NDRG3: variants seen among roughly 807,000 people sequenced by gnomAD.
The protein encoded by NDRG3 is protein NDRG3.
In NDRG3, 23 loss-of-function variants were observed where a neutral mutation model predicts 57.2. The ratio of observed to expected loss-of-function variants is 0.40; its 90% confidence interval spans 0.29 to 0.57. The LOEUF is 0.57. Among genes scored for constraint, NDRG3 ranks in the 20% least tolerant of loss-of-function variants. The pLI is 0.42. For synonymous variants in NDRG3, 132 were observed against 162.6 expected (o/e 0.81, Z 1.43); for missense variants, 384 against 457.3 (o/e 0.84, Z 1.46).
At chr20:36,663,342 A>G (rs1212923531) in intron 12 of NDRG3, among the ~76,000 whole-genome samples, 2 of 152,210 alleles carry the variant, frequency 1.3e-5, no homozygotes, top group Non-Finnish European at 2.9e-5. Flanking sequence ...AACTATGTCT[A>G]CACCTCTGAT....
chr20:36,738,705 C>A (rs1362646764), intron 1 of NDRG3, among the ~76,000 whole-genome samples: 1 of 150,938 alleles, frequency 6.6e-6, no homozygotes. Flanking sequence ...CACCTGTAAT[C>A]CCAGCTACTC....
intron 1 of NDRG3, among the ~76,000 whole-genome samples, chr20:36,727,293 C>T (rs952445685): frequency 3.3e-5 from 5 of 152,014 alleles, no homozygotes; most frequent in Non-Finnish European, 7.4e-5. Flanking sequence ...GATCTCAGCT[C>T]ACTGCAACCT....
chr20:36,693,550 G>A (rs780348281), intron 3 of NDRG3, among the ~76,000 whole-genome samples: 12 of 151,838 alleles, frequency 7.9e-5, no homozygotes, highest in East Asian at 3.9e-4. Context: ...GAACCGAGCC[G>A]CACAGGAGGA....
rs531244145 is a variant in NDRG3, at chr20:36,729,951, T to G, written c.-48-8168A>C. ...TAGATGGAACTTTTATTTTTTATTT[T>G]TAAATGTTTTAGGGGCCGGGCACGG... On this transcript the variant is annotated intron_variant, in intron 1 of 15. Coordinates refer to ENST00000349004, the MANE Select transcript of NDRG3 (RefSeq NM_032013.4). Among the ~76,000 whole-genome samples the G allele has an allele frequency of 3.9e-5, 6 of 152,010 alleles. No individual in the cohort carries two copies. In the East Asian group the frequency reaches 9.8e-4, roughly 25 times the overall value.
chr20:36,696,693 AT>A (rs1982819070), intron 3 of NDRG3, among the ~76,000 whole-genome samples: 1 of 149,556 alleles, frequency 6.7e-6, no homozygotes, highest in Non-Finnish European at 1.5e-5. Context: ...GGGTTTCACC[AT>A]GTTGGCCAGG....
At chr20:36,691,735 A>C (rs939544152) in intron 3 of NDRG3, among the ~76,000 whole-genome samples, 3 of 152,158 alleles carry the variant, frequency 2.0e-5, no homozygotes, top group East Asian at 1.9e-4. Flanking sequence ...TAACAAATAA[A>C]GCATAAGGTT....
rs144189825 is a variant in NDRG3 at position 36,669,658 on chromosome 20, C to T, written c.588+1683G>A. Among the ~76,000 whole-genome samples, 537 of 152,152 alleles carry T rather than the reference C, an allele frequency of 3.5e-3. 4 individuals are homozygous for T. Among genetic ancestry groups the T allele is most frequent in the African/African-American group, 0.011 (467 of 41,494 alleles). On this transcript the variant is annotated intron_variant, in intron 9 of 15. Transcript: ENST00000349004. ...GGGATTACAGGCGTGAGCCATGGCG[C>T]GCGGCCGATTTTTGAATTTTTATAA...
intron 9 of NDRG3, among the ~76,000 whole-genome samples, chr20:36,666,977 A>G (rs1193785755): frequency 6.6e-6 from 1 of 151,858 alleles, no homozygotes; most frequent in Non-Finnish European, 1.5e-5. Context: ...GGGATTAGAG[A>G]TATGCACCAC....
At chr20:36,686,120 C>T (rs972983240) in intron 5 of NDRG3, among the ~76,000 whole-genome samples, 1 of 152,200 alleles carries the variant, frequency 6.6e-6, no homozygotes, top group Admixed American at 6.5e-5. Flanking sequence ...CAGCCTGCCT[C>T]TGCCTGAACA....
intron 1 of NDRG3, among the ~76,000 whole-genome samples, chr20:36,734,841 G>C (rs1305923526): frequency 6.6e-6 from 1 of 151,962 alleles, no homozygotes; most frequent in Non-Finnish European, 1.5e-5. Flanking sequence ...ACTCCCAATT[G>C]AGAAGCACTG....
intron 13 of NDRG3, among the ~76,000 whole-genome samples, chr20:36,656,927 C>T (rs1286362439): frequency 1.3e-5 from 2 of 152,160 alleles, no homozygotes; most frequent in Admixed American, 6.5e-5. Context: ...ATCTTTCCTC[C>T]GTGAGTAAGG....
chr20:36,665,691 C>CG (rs1476747290), intron 10 of NDRG3, among the ~76,000 whole-genome samples: 3 of 152,044 alleles, frequency 2.0e-5, no homozygotes, highest in African/African-American at 7.3e-5. Context: ...CTCCGCCTCC[C>CG]GGGTTCAAGC....
chr20:36,688,760 C>T lies in NDRG3; in HGVS notation c.118G>A (p.Gly40Ser), dbSNP rs1039193558. The T allele has an allele frequency of 1.5e-5, 25 of 1,613,506 alleles. No individual in the cohort carries two copies. The highest frequency in any genetic ancestry group is 2.1e-5 in the Non-Finnish European group (25 of 1,179,592). Residue 40 changes from glycine to serine, a missense_variant, in exon 4 of 16, where the codon GGT becomes AGT. By Grantham distance (56) the Gly-to-Ser change is moderately conservative. Transcript: ENST00000349004. The part of the protein sequence containing the change: ...CQEHDIETTH[G>S]VVHVTIRGLP... ...CCTCTTATAGTGACGTGGACCACACCATGAGTTGTTTCTATATCATGTTCC... is the reference window on the plus strand; with the variant it reads ...CCTCTTATAGTGACGTGGACCACACTATGAGTTGTTTCTATATCATGTTCC...
chr20:36,668,453 G>C (rs1329534061), intron 9 of NDRG3: 1 of 152,146 alleles, frequency 6.6e-6, no homozygotes, highest in Non-Finnish European at 1.5e-5. Flanking sequence ...TATTGGTGAA[G>C]TTGAGCATTA....
chr20:36,657,380 C>T (rs1978771084), intron 13 of NDRG3, among the ~76,000 whole-genome samples: 1 of 151,844 alleles, frequency 6.6e-6, no homozygotes, highest in Admixed American at 6.6e-5. Flanking sequence ...CCCAGCTACT[C>T]TGGAGGCTGA....
At chr20:36,671,958 T>C (rs1980214442) in intron 8 of NDRG3, among the ~76,000 whole-genome samples, 1 of 152,118 alleles carries the variant, frequency 6.6e-6, no homozygotes, top group Non-Finnish European at 1.5e-5. Context: ...GGAAGGACAA[T>C]GTCAATTCCT....
At chr20:36,739,531 G>A (rs1334922687) in intron 1 of NDRG3, among the ~76,000 whole-genome samples, 4 of 151,516 alleles carry the variant, frequency 2.6e-5, no homozygotes, top group Non-Finnish European at 5.9e-5. Flanking sequence ...CACTGGGCCA[G>A]GCACAGTGGC....
At position 36,693,106 on chromosome 20, in the gene NDRG3, AT is replaced by A. The variant is rs1411846156; in HGVS notation, c.94-4323del. Reference sequence around the variant, plus strand: ...AAAAAAAAAAAAAAAAAAAAAAAAAATATATATATATATATATATATATATA... The same window carrying A: ...AAAAAAAAAAAAAAAAAAAAAAAAAAATATATATATATATATATATATATA... On this transcript the variant is annotated intron_variant, in intron 3 of 15. Coordinates refer to ENST00000349004, the MANE Select transcript of NDRG3 (RefSeq NM_032013.4). 8.3e-3 allele frequency among the ~76,000 whole-genome samples: 134 copies of A among 16,242 alleles called. 2 individuals carry two copies. Among genetic ancestry groups the A allele is most frequent in the Admixed American group, 9.8e-3 (9 of 918 alleles). 10.7% of individuals were successfully genotyped at this position (16,242 alleles called of 152,430 possible).
chr20:36,657,644 C>G (rs927933138), intron 13 of NDRG3, among the ~76,000 whole-genome samples: 1 of 152,148 alleles, frequency 6.6e-6, no homozygotes, highest in African/African-American at 2.4e-5. Context: ...TTCAGGCTGA[C>G]TGGCTTTTTT....
Sources: gnomAD v4.1 joint callset for allele counts (sites outside exome capture counted in the v4.1 genomes callset) on GRCh38, gnomAD v4.1.1 for gene constraint, MANE v1.5 for transcripts, NCBI Gene and HGNC (gene_info 2026-07-23, HGNC 2026-07-21) for gene names.